The following SLC39A12 variants were observed in gnomAD, a reference collection of about 807,000 sequenced individuals.
SLC39A12 encodes the protein zinc transporter ZIP12.
A neutral mutation model predicts 71.1 loss-of-function variants in SLC39A12; 63 were observed. That is an observed-to-expected ratio of 0.89 (90% CI 0.72 to 1.09). The LOEUF is 1.09. Among genes scored for constraint, SLC39A12 ranks in the 50% least tolerant of loss-of-function variants. The probability of loss-of-function intolerance (pLI) is 0.00; values close to 1 mark genes in which losing one functional copy is unlikely to be tolerated. For synonymous variants in SLC39A12, 351 were observed against 301.3 expected, an observed-to-expected ratio of 1.16 and a Z score of -1.71; for missense variants, 892 against 812.6, an observed-to-expected ratio of 1.10 and a Z score of -1.19.
intron 8 of SLC39A12, among the ~76,000 whole-genome samples, chr10:17,991,630 A>G (rs559942122): frequency 6.6e-6 from 1 of 152,254 alleles, no homozygotes; most frequent in Admixed American, 6.5e-5. Flanking sequence ...TAACCTAAAC[A>G]AATAAGCAAA....
chr10:17,972,330 G>A (rs1457820253), intron 4 of SLC39A12, among the ~76,000 whole-genome samples: 1 of 152,116 alleles, frequency 6.6e-6, no homozygotes, highest in Non-Finnish European at 1.5e-5. Flanking sequence ...GAAATGTTCT[G>A]TAAATATATA....
At chr10:17,995,760 A>G (rs781391211) in intron 10 of SLC39A12, 38 bp downstream of exon 10, 4 of 1,543,200 alleles carry the variant, frequency 2.6e-6, no homozygotes, top group East Asian at 4.5e-5. Flanking sequence ...GGAAAGTGCC[A>G]TAGAAAAACA....
chr10:18,011,870 T>C (rs1045979914), intron 12 of SLC39A12, among the ~76,000 whole-genome samples: 11 of 152,178 alleles, frequency 7.2e-5, no homozygotes, highest in Non-Finnish European at 2.9e-5. Flanking sequence ...TGGGAAGTGA[T>C]AGACATATAA....
intron 7 of SLC39A12, among the ~76,000 whole-genome samples, chr10:17,990,176 A>G (rs1447281928): frequency 2.0e-5 from 3 of 152,166 alleles, no homozygotes; most frequent in African/African-American, 7.2e-5. Context: ...TTGTGCAATA[A>G]TGGTCATTAG....
intron 4 of SLC39A12, among the ~76,000 whole-genome samples, chr10:17,972,338 A>G (rs983451018): frequency 1.3e-5 from 2 of 152,244 alleles, no homozygotes; most frequent in African/African-American, 2.4e-5. Context: ...CTGTAAATAT[A>G]TATTAGCTCC....
At chr10:17,985,899 C>T (rs1159022153) in intron 6 of SLC39A12, among the ~76,000 whole-genome samples, 1 of 152,136 alleles carries the variant, frequency 6.6e-6, no homozygotes, top group Non-Finnish European at 1.5e-5. Flanking sequence ...TCATTGCAAT[C>T]ATCCAAAATG....
intron 12 of SLC39A12, among the ~76,000 whole-genome samples, chr10:18,035,966 C>T (rs559972649): frequency 6.6e-6 from 1 of 152,268 alleles, no homozygotes; most frequent in African/African-American, 2.4e-5. Context: ...GCTCGGGGGT[C>T]AGGGGTCAGG....
At chr10:17,975,001 T>G (rs1436973989) in intron 4 of SLC39A12, among the ~76,000 whole-genome samples, 1 of 152,156 alleles carries the variant, frequency 6.6e-6, no homozygotes, top group East Asian at 1.9e-4. Context: ...CACTCTTCCC[T>G]TCCCTTTACA....
In SLC39A12 at chr10:17,977,924, T is replaced by C. The variant is rs774516736; in HGVS notation, c.774T>C (p.Thr258=). 2.5e-6 allele frequency: 4 copies of C among 1,604,434 alleles called. No individual in the cohort carries two copies. The highest frequency in any genetic ancestry group is 3.3e-4 in the Middle Eastern group (2 of 6,020). The stretch of plus-strand genomic sequence containing the variant: ...TAGAACTAGACCAACTCCTCAACAC[T>C]CTCTGGACCAGAAGTACTTGTATCA... ...RLSELDQLLN[T]LWTRSTCIKN... The change falls in exon 5 of 13, where the codon ACT becomes ACC. Residue 258 remains threonine, a synonymous_variant. Transcript: ENST00000377369.
chr10:18,039,485 T>G (rs1837158600), intron 12 of SLC39A12, among the ~76,000 whole-genome samples: 1 of 152,160 alleles, frequency 6.6e-6, no homozygotes, highest in Admixed American at 6.5e-5. Context: ...TCCAACACTT[T>G]GGAAAGCTGA....
In SLC39A12 at chr10:17,968,085, G is replaced by A. The variant is rs533026175; in HGVS notation, c.751+2395G>A. Among the ~76,000 whole-genome samples, 233 of 151,010 alleles carry A rather than the reference G, an allele frequency of 1.5e-3. 3 individuals carry two copies. Among genetic ancestry groups the A allele is most frequent in the African/African-American group, 5.4e-3 (224 of 41,288 alleles). On this transcript the variant is annotated intron_variant, in intron 4 of 12. Coordinates refer to ENST00000377369, the MANE Select transcript of SLC39A12 (RefSeq NM_001145195.2). ...TGTATATACACACATATGTATACAT[G>A]TGTGTTTCTAATTTTTATAGGTTAA...
At chr10:18,039,010 A>G (rs2130908152) in intron 12 of SLC39A12, among the ~76,000 whole-genome samples, 1 of 152,326 alleles carries the variant, frequency 6.6e-6, no homozygotes, top group Middle Eastern at 3.4e-3. Flanking sequence ...TTTTCTCCAT[A>G]ATAGTCCACT....
intron 10 of SLC39A12, among the ~76,000 whole-genome samples, chr10:17,996,760 G>A (rs1835693351): frequency 6.6e-6 from 1 of 152,118 alleles, no homozygotes; most frequent in Admixed American, 6.5e-5. Context: ...CACTTTGGGA[G>A]GCCGAGGCGG....
intron 10 of SLC39A12, among the ~76,000 whole-genome samples, chr10:17,999,983 A>C (rs1437858365): frequency 1.3e-5 from 2 of 152,172 alleles, no homozygotes; most frequent in Non-Finnish European, 2.9e-5. Flanking sequence ...TTCCACTGGG[A>C]AGTTTGTCTT....
At chr10:18,037,505 G>A (rs1002401325) in intron 12 of SLC39A12, among the ~76,000 whole-genome samples, 3 of 152,152 alleles carry the variant, frequency 2.0e-5, no homozygotes, top group African/African-American at 7.2e-5. Context: ...ACAACAATGT[G>A]ACTGTGGGTG....
At chr10:17,978,685 G>A (rs532574942) in intron 5 of SLC39A12, among the ~76,000 whole-genome samples, 2 of 152,318 alleles carry the variant, frequency 1.3e-5, no homozygotes, top group South Asian at 2.1e-4. Flanking sequence ...CTTAAGGCAT[G>A]CATCTTCTAA....
intron 12 of SLC39A12, among the ~76,000 whole-genome samples, chr10:18,024,864 G>A (rs534432864): frequency 6.6e-6 from 1 of 152,270 alleles, no homozygotes; most frequent in African/African-American, 2.4e-5. Flanking sequence ...AATACACCAT[G>A]TATCTTTGAT....
chr10:18,029,848 A>G (rs1377696976), intron 12 of SLC39A12, among the ~76,000 whole-genome samples: 2 of 151,152 alleles, frequency 1.3e-5, no homozygotes, highest in African/African-American at 4.9e-5. Flanking sequence ...ATTAATTCAT[A>G]TGAACCTTTA....
intron 12 of SLC39A12, among the ~76,000 whole-genome samples, chr10:18,027,561 G>C (rs1218969614): frequency 1.3e-5 from 2 of 152,186 alleles, no homozygotes; most frequent in Non-Finnish European, 1.5e-5. Context: ...TTTAAACTCA[G>C]AGTTGTCCAG....
Sources: allele counts gnomAD v4.1 joint callset (sites outside exome capture counted in the v4.1 genomes callset), GRCh38; gene constraint gnomAD v4.1.1; transcripts MANE v1.5; gene names NCBI Gene and HGNC (gene_info 2026-07-23, HGNC 2026-07-21).